The following ABCG5 variants were observed in gnomAD, a reference collection of about 807,000 sequenced individuals.
ABCG5 encodes ATP-binding cassette sub-family G member 5.
A neutral mutation model predicts 64.5 loss-of-function variants in ABCG5; 64 were observed. The observed-to-expected ratio is 0.99, with a 90% CI of 0.81 to 1.22. The LOEUF is 1.22. Among genes scored for constraint, ABCG5 ranks in the 50% most tolerant of loss-of-function variants. The pLI, the probability that ABCG5 is intolerant of heterozygous loss-of-function variation, is 0.00. For synonymous variants in ABCG5, 385 were observed against 326.3 expected, an observed-to-expected ratio of 1.18 and a Z score of -1.94; for missense variants, 908 against 829.5, an observed-to-expected ratio of 1.09 and a Z score of -1.16.
chr2:43,819,057 G>A (rs1463441123), intron 11 of ABCG5, among the ~76,000 whole-genome samples: 1 of 152,182 alleles, frequency 6.6e-6, no homozygotes, highest in Non-Finnish European at 1.5e-5. Flanking sequence ...GGATTGCTCT[G>A]AGAGTTAAAT....
chr2:43,828,051 C>A lies in ABCG5; in HGVS notation c.566G>T (p.Ser189Ile). ...HVADRLIGNY[S>I]LGGISTGERR... Reference sequence around the variant, plus strand: ...CTCACCCGTGGAAATGCCCCCCAAGCTGTAGTTGCCAATCAGTCGGTCTGC... The same window carrying A: ...CTCACCCGTGGAAATGCCCCCCAAGATGTAGTTGCCAATCAGTCGGTCTGC... Residue 189 changes from serine (S) to isoleucine (I), a missense_variant, in exon 5 of 13, where the codon AGC becomes ATC. Transcript: ENST00000405322. 1 of 1,614,154 alleles carries A rather than the reference C, an allele frequency of 6.2e-7. No individual in the cohort carries two copies. The highest frequency in any genetic ancestry group is 8.5e-7 in the Non-Finnish European group (1 of 1,180,038).
At position 43,814,560 on chromosome 2, in the gene ABCG5, T is replaced by G. The variant is rs892694209; in HGVS notation, c.1679A>C (p.Lys560Thr). ...TTGGAATGTAAAATAACTGATGATT[T>G]TAAAAGGAATGGGCATTTCTTGTAT... ...RNIQEMPIPF[K>T]IISYFTFQKY... Residue 560 changes from lysine to threonine, a missense_variant, in exon 12 of 13, where the codon AAA (lysine) becomes ACA (threonine). Physicochemically the swap from Lys to Thr is moderately conservative, Grantham distance 78 (BLOSUM62 -1). Transcript: ENST00000405322. The G allele has an allele frequency of 1.7e-5, 28 of 1,605,272 alleles. No homozygotes were observed. Among genetic ancestry groups the G allele is most frequent in the Non-Finnish European group, 2.4e-5 (28 of 1,172,878 alleles).
chr2:43,825,492 T>C (rs1265140551), intron 6 of ABCG5, among the ~76,000 whole-genome samples: 2 of 152,216 alleles, frequency 1.3e-5, no homozygotes, highest in African/African-American at 2.4e-5. Context: ...GAAATCAGTA[T>C]GATTTCGTGG....
chr2:43,812,319 C>CT (rs535572680), downstream of ABCG5, among the ~76,000 whole-genome samples: 49 of 115,262 alleles, frequency 4.3e-4, no homozygotes, highest in East Asian at 1.4e-3. Context: ...ACTTGTAATT[C>CT]TTTTTTTTTT....
chr2:43,822,391 T>C (rs772433114), intron 10 of ABCG5: 1 of 367,318 alleles, frequency 2.7e-6, no homozygotes, highest in Non-Finnish European at 3.8e-6. Context: ...ACCCTCTGCC[T>C]CCTCTGTTGG....
At chr2:43,835,969 C>G (rs1404829940) in intron 2 of ABCG5, among the ~76,000 whole-genome samples, 1 of 151,580 alleles carries the variant, frequency 6.6e-6, no homozygotes, top group East Asian at 1.9e-4. Context: ...GATGGAGTCT[C>G]ACTGCTGCCC....
chr2:43,814,722 A>G, intron 11 of ABCG5, 133 bp from the exon 12 acceptor site: 1 of 600,788 alleles, frequency 1.7e-6, no homozygotes, highest in Non-Finnish European at 2.9e-6. Context: ...AATGATGCTC[A>G]CTATAAAAAA....
chr2:43,825,514 C>A (rs1400871982), intron 6 of ABCG5, among the ~76,000 whole-genome samples: 1 of 152,174 alleles, frequency 6.6e-6, no homozygotes, highest in Non-Finnish European at 1.5e-5. Context: ...AAAACACAGC[C>A]TTTGAAGCCA....
chr2:43,822,476 A>ACC, intron 10 of ABCG5: 1 of 298,510 alleles, frequency 3.3e-6, no homozygotes, highest in Non-Finnish European at 4.3e-6. Context: ...CCCCTCCCCC[A>ACC]GGCCCCCCCC....
At chr2:43,809,711 G>A, downstream of ABCG5, 1 of 1,610,588 alleles carries the variant, frequency 6.2e-7, no homozygotes, top group Non-Finnish European at 8.5e-7. Context: ...TTAGGAACTG[G>A]AACAGTACAA....
chr2:43,830,207 C>A (rs1445486304), intron 4 of ABCG5, among the ~76,000 whole-genome samples: 1 of 152,188 alleles, frequency 6.6e-6, no homozygotes. Flanking sequence ...AATGCTCTCC[C>A]ACATTTTGGA....
chr2:43,838,954 G>A, upstream of ABCG5: 1 of 1,354,846 alleles, frequency 7.4e-7, no homozygotes, highest in Non-Finnish European at 1.0e-6. This position sits in a 1 kb window ranked among gnomAD's most constrained non-coding sequence, Gnocchi z 4.2. Flanking sequence ...AGGAGGCCGA[G>A]GTGTCCCTGC....
chr2:43,827,768 T>A (rs1279795416), intron 5 of ABCG5, among the ~76,000 whole-genome samples: 1 of 152,084 alleles, frequency 6.6e-6, no homozygotes, highest in African/African-American at 2.4e-5. Flanking sequence ...CGCTTCCGGG[T>A]CCAGGAGCTG....
intron 2 of ABCG5, 138 bp from the exon 3 acceptor site, chr2:43,832,221 A>C: frequency 8.5e-7 from 1 of 1,171,298 alleles, no homozygotes; most frequent in Non-Finnish European, 1.2e-6. Context: ...TGTTAAGGAC[A>C]CAGCAGGATA....
intron 10 of ABCG5, chr2:43,822,584 G>C: frequency 2.0e-6 from 2 of 984,206 alleles, no homozygotes; most frequent in Non-Finnish European, 2.4e-6. Flanking sequence ...ATGTCATCTT[G>C]TTGGTTTGTT....
chr2:43,819,161 C>G (rs1667031438), intron 11 of ABCG5, among the ~76,000 whole-genome samples: 1 of 152,180 alleles, frequency 6.6e-6, no homozygotes, highest in East Asian at 1.9e-4. Context: ...AAAGAAACAG[C>G]CTTCATGTTT....
chr2:43,833,834 G>A (rs969704787), intron 2 of ABCG5, among the ~76,000 whole-genome samples: 2 of 152,060 alleles, frequency 1.3e-5, no homozygotes, highest in Non-Finnish European at 2.9e-5. Context: ...ACAGGCGTGT[G>A]CCACCACACC....
In ABCG5 at chr2:43,838,804, A is replaced by G. The variant is rs1279913406; in HGVS notation, c.-125T>C. The G allele has an allele frequency of 1.3e-6, 2 of 1,531,440 alleles. No individual in the cohort carries two copies. Among genetic ancestry groups the G allele is most frequent in the African/African-American group, 1.4e-5 (1 of 72,672 alleles). 94.9% of individuals were successfully genotyped at this position (1,531,440 alleles called of 1,614,324 possible). On this transcript the variant is annotated 5_prime_UTR_variant, in exon 1 of 13. Transcript: ENST00000405322. This position sits in a 1 kb window ranked among gnomAD's most constrained non-coding sequence, Gnocchi z 4.2. ...ACCTGACCCCGGAGTCCCTTGGGAC[A>G]GCAGGACTGGGACTTGGCCACGGAG...
Position 43,837,954 on chromosome 2 carries a change from G to T in ABCG5, c.145C>A (p.His49Asn). 1 of 1,613,910 alleles carries T rather than the reference G, an allele frequency of 6.2e-7. No individual in the cohort carries two copies. Among genetic ancestry groups the T allele is most frequent in the Non-Finnish European group, 8.5e-7 (1 of 1,179,894 alleles). Reference sequence around the variant, plus strand: ...ATGTCCCACCAGGGCCTCACGCGGTGGCTTTAAAGGAAACCCCAGGAAGGC... The same window carrying T: ...ATGTCCCACCAGGGCCTCACGCGGTTGCTTTAAAGGAAACCCCAGGAAGGC... ...GILHASYSVS[H>N]RVRPWWDITS... Residue 49 changes from histidine to asparagine, a missense_variant and splice_region_variant, in exon 2 of 13, where the codon CAC becomes AAC. Physicochemically the swap from His to Asn is moderately conservative, Grantham distance 68. Coordinates refer to ENST00000405322, the MANE Select transcript of ABCG5 (RefSeq NM_022436.3).
Sources: gnomAD v4.1 joint callset for allele counts (sites outside exome capture counted in the v4.1 genomes callset) on GRCh38, gnomAD v4.1.1 for gene constraint, Gnocchi (gnomAD v3.1) non-coding constraint, MANE v1.5 for transcripts, NCBI Gene and HGNC (gene_info 2026-07-23, HGNC 2026-07-21) for gene names.